Variants in DENND1A observed in about 807,000 individuals in gnomAD.
DENND1A encodes the protein DENN domain-containing protein 1A.
Under a neutral mutation model 113.7 loss-of-function variants are expected in DENND1A, and 51 were observed. The ratio of observed to expected loss-of-function variants is 0.45; its 90% CI spans 0.36 to 0.57. The LOEUF (loss-of-function observed/expected upper bound fraction) is 0.57. DENND1A is among the 20% of genes least tolerant of loss of function. The probability of loss-of-function intolerance (pLI) is 0.00; values close to 1 mark genes in which losing one functional copy is unlikely to be tolerated. For synonymous variants in DENND1A, 565 were observed against 570.8 expected, an observed-to-expected ratio of 0.99 and a Z score of 0.14; for missense variants, 1,258 against 1,395.9, an observed-to-expected ratio of 0.90 and a Z score of 1.57.
At chr9:123,390,314 A>G (rs754290695) in intron 21 of DENND1A, among the ~76,000 whole-genome samples, 1 of 152,210 alleles carries the variant, frequency 6.6e-6, no homozygotes, top group Admixed American at 6.5e-5. Context: ...GAGCTGCACC[A>G]CACTGTCCCC....
chr9:123,397,678 G>A (rs2043204868), intron 21 of DENND1A, among the ~76,000 whole-genome samples: 1 of 152,238 alleles, frequency 6.6e-6, no homozygotes, highest in Non-Finnish European at 1.5e-5. Context: ...GATAAAGACT[G>A]GGCATGGATC....
intron 1 of DENND1A, 140 bp from the exon 2 acceptor site, chr9:123,879,161 C>CTATT: frequency 1.4e-6 from 1 of 740,366 alleles, no homozygotes. Context: ...ACAAGCTACA[C>CTATT]TATTTCTCTG....
intron 5 of DENND1A, among the ~76,000 whole-genome samples, chr9:123,746,082 T>C (rs780729229): frequency 2.6e-5 from 4 of 152,236 alleles, no homozygotes; most frequent in East Asian, 3.8e-4. Context: ...GGTGATTACA[T>C]GGGTATTTGC....
In DENND1A at chr9:123,813,733, A is replaced by T. The variant is rs148046870; in HGVS notation, c.89-21103T>A. On this transcript the variant is annotated intron_variant, in intron 2 of 23. Transcript: ENST00000394215. ...TAAGTAAAAAAAATTAGGCAAAAGT[A>T]AAACAGACATTTCTACCAGCTTTTT... 3.0e-3 allele frequency among the ~76,000 whole-genome samples: 455 copies of T among 152,330 alleles called. 1 individual carries two copies. Among genetic ancestry groups the T allele is most frequent in the Middle Eastern group, 0.014 (4 of 294 alleles).
At chr9:123,792,724 C>G (rs117893097) in intron 2 of DENND1A, 94 bp from the exon 3 acceptor site, 14,917 of 1,434,746 alleles carry the variant, frequency 0.01, 105 homozygotes, top group Non-Finnish European at 0.012. Flanking sequence ...TGATAGCAGC[C>G]CTGGCAGGGG....
chr9:123,606,407 C>T (rs890894785), intron 11 of DENND1A, among the ~76,000 whole-genome samples: 2 of 152,218 alleles, frequency 1.3e-5, no homozygotes, highest in African/African-American at 4.8e-5. Context: ...TGGGCCAGTG[C>T]TTCCTAAGCC....
intron 10 of DENND1A, among the ~76,000 whole-genome samples, chr9:123,629,542 GTTATC>G (rs2061387525): frequency 6.6e-6 from 1 of 152,244 alleles, no homozygotes; most frequent in Non-Finnish European, 1.5e-5. Context: ...CCTTTCATAT[GTTATC>G]TTGTTTCATC....
chr9:123,818,565 CACATATAT>C (rs1181762062), intron 2 of DENND1A, among the ~76,000 whole-genome samples: 33 of 45,478 alleles, frequency 7.3e-4, no homozygotes, highest in East Asian at 1.7e-3. Flanking sequence ...CACACACACA[CACATATAT>C]ATATATATAT....
At chr9:123,403,113 C>T (rs983639415) in intron 21 of DENND1A, among the ~76,000 whole-genome samples, 9 of 152,218 alleles carry the variant, frequency 5.9e-5, no homozygotes, top group African/African-American at 2.2e-4. Context: ...ATCTTCAGCA[C>T]AAGAGGCCTA....
At chr9:123,721,251 C>T (rs925394161) in intron 5 of DENND1A, among the ~76,000 whole-genome samples, 1 of 152,262 alleles carries the variant, frequency 6.6e-6, no homozygotes, top group African/African-American at 2.4e-5. Flanking sequence ...AAAGCCACCA[C>T]ATGACCTGTG....
intron 2 of DENND1A, among the ~76,000 whole-genome samples, chr9:123,827,100 A>G (rs1839444152): frequency 6.6e-6 from 1 of 152,152 alleles, no homozygotes; most frequent in East Asian, 1.9e-4. Context: ...AGAACTCAAC[A>G]CAACTCAACT....
At chr9:123,462,221 C>G (rs958784274) in intron 13 of DENND1A, among the ~76,000 whole-genome samples, 1 of 152,262 alleles carries the variant, frequency 6.6e-6, no homozygotes, top group African/African-American at 2.4e-5. Flanking sequence ...TAGTTTAACT[C>G]TCTGTGAGGC....
At position 123,381,290 on chromosome 9, in the gene DENND1A, GGGA is replaced by G; in HGVS notation, c.*139_*141del. 3 of 745,690 alleles carry G rather than the reference GGGA, an allele frequency of 4.0e-6. No homozygotes were observed. The highest frequency in any genetic ancestry group is 3.6e-5 in the South Asian group (2 of 55,466). The allele number at this position is 745,690 out of a possible 1,614,324, so 46.2% of individuals were successfully genotyped here. ...GACATCAGAGATGGGCAGTGTGGAG[GGGA>G]GGAGGGGGCAGCAGAGAGGGGTCCC... is the stretch of plus-strand genomic sequence containing the variant. On this transcript the variant is annotated 3_prime_UTR_variant, in exon 24 of 24. Coordinates refer to ENST00000394215, the MANE Select transcript of DENND1A (RefSeq NM_001352964.2). The surrounding 1 kb of genome is among the most constrained non-coding windows in gnomAD (Gnocchi z 4.7).
chr9:123,726,593 G>A (rs927967580), intron 5 of DENND1A, among the ~76,000 whole-genome samples: 1 of 152,172 alleles, frequency 6.6e-6, no homozygotes, highest in Non-Finnish European at 1.5e-5. Context: ...GCTTTTACCA[G>A]TTGCTCACAC....
intron 5 of DENND1A, among the ~76,000 whole-genome samples, chr9:123,686,689 T>G (rs2140302143): frequency 6.6e-6 from 1 of 152,362 alleles, no homozygotes; most frequent in Middle Eastern, 3.4e-3. Context: ...TTCCAGTGTT[T>G]CGTGTCAAGA....
chr9:123,795,551 A>G (rs1833639901), intron 2 of DENND1A, among the ~76,000 whole-genome samples: 1 of 152,120 alleles, frequency 6.6e-6, no homozygotes, highest in African/African-American at 2.4e-5. Flanking sequence ...GCAGCAATCC[A>G]CTTGCGTGTC....
chr9:123,654,397 C>G (rs2062825669), intron 8 of DENND1A, among the ~76,000 whole-genome samples: 2 of 152,168 alleles, frequency 1.3e-5, no homozygotes, highest in African/African-American at 2.4e-5. Context: ...CCTCAAGAGT[C>G]TGCCAAGAAG....
intron 21 of DENND1A, among the ~76,000 whole-genome samples, 168 bp downstream of exon 21, chr9:123,403,234 C>T (rs1193428045): frequency 6.6e-6 from 1 of 152,222 alleles, no homozygotes; most frequent in Non-Finnish European, 1.5e-5. Flanking sequence ...GACAACCAGA[C>T]CGAGTAAAAG....
intron 8 of DENND1A, among the ~76,000 whole-genome samples, chr9:123,655,402 G>A (rs1317097588): frequency 6.6e-6 from 1 of 152,118 alleles, no homozygotes; most frequent in African/African-American, 2.4e-5. Flanking sequence ...TGGACCAGGT[G>A]GGACATTAGG....
Sources: allele counts gnomAD v4.1 joint callset (sites outside exome capture counted in the v4.1 genomes callset), GRCh38; gene constraint gnomAD v4.1.1; non-coding constraint Gnocchi (gnomAD v3.1); transcripts MANE v1.5; gene names NCBI Gene and HGNC (gene_info 2026-07-23, HGNC 2026-07-21).